LEKR1: variants seen among roughly 807,000 people sequenced by gnomAD.
LEKR1 encodes the protein leucine, glutamate and lysine rich 1, also known as protein LEKR1.
Under a neutral mutation model 72.4 loss-of-function variants are expected in LEKR1, and 59 were observed. The observed-to-expected ratio is 0.82, with a 90% CI of 0.66 to 1.01. LEKR1 has a LOEUF of 1.01. LEKR1 is among the 50% of genes least tolerant of loss of function. The pLI is 0.00. For missense variants in LEKR1, 728 were observed against 759.2 expected, an observed-to-expected ratio of 0.96 and a Z score of 0.48; for synonymous variants, 257 against 263.2, an observed-to-expected ratio of 0.98 and a Z score of 0.23.
chr3:156,972,619 A>G (rs938778778), intron 6 of LEKR1, among the ~76,000 whole-genome samples: 1 of 151,710 alleles, frequency 6.6e-6, no homozygotes, highest in South Asian at 2.1e-4. Flanking sequence ...TGTAATTTAT[A>G]TAAGGACAAA....
intron 3 of LEKR1, among the ~76,000 whole-genome samples, chr3:156,884,340 T>C (rs1719830714): frequency 6.6e-6 from 1 of 152,216 alleles, no homozygotes; most frequent in South Asian, 2.1e-4. Flanking sequence ...TACCTGTTTT[T>C]TTTTCCTTCT....
At chr3:156,990,543 C>G (rs963579333) in intron 7 of LEKR1, among the ~76,000 whole-genome samples, 1 of 152,102 alleles carries the variant, frequency 6.6e-6, no homozygotes, top group Non-Finnish European at 1.5e-5. Flanking sequence ...TTTTAAAATT[C>G]CAGATCATCC....
At chr3:156,858,274 A>C (rs969291144) in intron 3 of LEKR1, among the ~76,000 whole-genome samples, 1 of 152,138 alleles carries the variant, frequency 6.6e-6, no homozygotes, top group African/African-American at 2.4e-5. Context: ...GGACAGAGAG[A>C]GAGAGAGCTT....
At chr3:156,911,122 CTTGTATGTCTTCTT>C (rs978061485) in intron 3 of LEKR1, among the ~76,000 whole-genome samples, 3 of 151,838 alleles carry the variant, frequency 2.0e-5, no homozygotes, top group East Asian at 1.9e-4. Flanking sequence ...TTGTTGGCTG[CTTGTATGTCTTCTT>C]TTGTATGTCT....
chr3:156,834,977 G>A (rs1404692787), intron 2 of LEKR1, among the ~76,000 whole-genome samples: 1 of 152,114 alleles, frequency 6.6e-6, no homozygotes, highest in East Asian at 1.9e-4. Flanking sequence ...CCCTAAACCA[G>A]TTAATTAGAG....
chr3:157,027,676 G>T (rs981511755), intron 11 of LEKR1, among the ~76,000 whole-genome samples: 2 of 152,088 alleles, frequency 1.3e-5, no homozygotes, highest in East Asian at 3.9e-4. Flanking sequence ...TTAGCCAGGG[G>T]TGGTGGCATG....
intron 10 of LEKR1, among the ~76,000 whole-genome samples, chr3:157,016,091 GAC>G (rs1469951124): frequency 6.6e-6 from 1 of 152,024 alleles, no homozygotes; most frequent in Non-Finnish European, 1.5e-5. Flanking sequence ...TGAGCCATGA[GAC>G]AGATTCAAGA....
intron 7 of LEKR1, among the ~76,000 whole-genome samples, chr3:156,984,554 G>A (rs142676369): frequency 6.6e-6 from 1 of 152,152 alleles, no homozygotes; most frequent in East Asian, 1.9e-4. Context: ...GCAGGTGCCT[G>A]TGGTCCCAGT....
intron 6 of LEKR1, among the ~76,000 whole-genome samples, chr3:156,962,803 G>A (rs1728240009): frequency 1.3e-5 from 2 of 151,992 alleles, no homozygotes; most frequent in South Asian, 4.2e-4. Flanking sequence ...TGTAATTCTG[G>A]TTCATTCTCT....
At chr3:156,973,486 G>C (rs924689765) in intron 6 of LEKR1, among the ~76,000 whole-genome samples, 1 of 152,134 alleles carries the variant, frequency 6.6e-6, no homozygotes, top group African/African-American at 2.4e-5. Context: ...CCAGCATTTA[G>C]AGTGAATCTA....
chr3:156,893,570 T>A (rs1183585025), intron 3 of LEKR1, among the ~76,000 whole-genome samples: 1 of 152,024 alleles, frequency 6.6e-6, no homozygotes, highest in Non-Finnish European at 1.5e-5. Context: ...GTAAGTGAGT[T>A]CTTCTGATCT....
chr3:156,858,817 G>A (rs1002149122), intron 3 of LEKR1, among the ~76,000 whole-genome samples: 1 of 151,818 alleles, frequency 6.6e-6, no homozygotes, highest in African/African-American at 2.4e-5. Context: ...GTTTTCCTGT[G>A]GCAACAGTCT....
intron 6 of LEKR1, among the ~76,000 whole-genome samples, chr3:156,969,726 T>G (rs537006284): frequency 6.6e-6 from 1 of 152,304 alleles, no homozygotes; most frequent in African/African-American, 2.4e-5. Flanking sequence ...CTTCTGAAAC[T>G]ATTCCAATCA....
At chr3:156,895,589 C>T (rs556820105) in intron 3 of LEKR1, among the ~76,000 whole-genome samples, 6 of 151,710 alleles carry the variant, frequency 4.0e-5, no homozygotes, top group South Asian at 4.2e-4. Flanking sequence ...CCAGCCTGGA[C>T]GACAGAGGGA....
In LEKR1 at chr3:157,024,870, A is replaced by G. The variant is rs751388093; in HGVS notation, c.1314A>G (p.Lys438=). ...TGCAACTTGATATTGAAAAAGAAAA[A>G]CACCAAGATGTAATCCAAAAGTATA... ...TKLQLDIEKE[K]HQDVIQKYKK... The change falls in exon 11 of 13, where the codon AAA becomes AAG. Residue 438 remains lysine (K), a synonymous_variant. Coordinates refer to ENST00000356539, the MANE Select transcript of LEKR1 (RefSeq NM_001004316.3). 3 of 1,608,944 alleles carry G rather than the reference A, an allele frequency of 1.9e-6. No individual in the cohort carries two copies. The highest frequency in any genetic ancestry group is 2.6e-6 in the Non-Finnish European group (3 of 1,176,178).
rs143624248 is a variant in LEKR1 at position 156,916,090 on chromosome 3, G to A, written c.264-4485G>A. 6.3e-3 allele frequency among the ~76,000 whole-genome samples: 958 copies of A among 152,004 alleles called. 11 individuals are homozygous for A. The highest frequency in any genetic ancestry group is 0.022 in the African/African-American group (917 of 41,458). ...GGTTTAGGTGTGTGTTCTTATTTCCGAGCTCTCTCTTCTGTTTCATTGATC... is the reference window on the plus strand; with the variant it reads ...GGTTTAGGTGTGTGTTCTTATTTCCAAGCTCTCTCTTCTGTTTCATTGATC... On this transcript the variant is annotated intron_variant, in intron 3 of 12. Coordinates refer to ENST00000356539, the MANE Select transcript of LEKR1 (RefSeq NM_001004316.3).
intron 5 of LEKR1, among the ~76,000 whole-genome samples, chr3:156,932,398 A>G (rs147868276): frequency 5.6e-4 from 85 of 152,300 alleles, no homozygotes; most frequent in African/African-American, 1.9e-3. Context: ...AGGCAAATAG[A>G]GGAATATTAT....
rs1403057064 is a variant in LEKR1, at chr3:156,930,397, G to A, written c.559+2793G>A. ...AAAGCAAGCATTATTATTTTGTGGG[G>A]CTTATAAAGTATGTCAATGTAACAT... On this transcript the variant is annotated intron_variant, in intron 5 of 12. Transcript: ENST00000356539. Among the ~76,000 whole-genome samples, 9 of 152,040 alleles carry A rather than the reference G, an allele frequency of 5.9e-5. 1 individual carries two copies. In the South Asian group the frequency reaches 8.3e-4, roughly 14 times the overall value.
intron 12 of LEKR1, among the ~76,000 whole-genome samples, chr3:157,038,373 A>G (rs745898331): frequency 2.0e-5 from 3 of 152,222 alleles, no homozygotes; most frequent in African/African-American, 7.2e-5. Flanking sequence ...TATTTGGGAC[A>G]TGTTGATCTT....
Sources: allele counts gnomAD v4.1 joint callset (sites outside exome capture counted in the v4.1 genomes callset), GRCh38; gene constraint gnomAD v4.1.1; transcripts MANE v1.5; gene names NCBI Gene and HGNC (gene_info 2026-07-23, HGNC 2026-07-21).